NOL4: variants seen among roughly 807,000 people sequenced by gnomAD.
NOL4 encodes the protein cancer/testis antigen 125.
In NOL4, 17 loss-of-function variants were observed where a neutral mutation model predicts 75.9. The ratio of observed to expected loss-of-function variants is 0.22; its 90% CI spans 0.15 to 0.34. The LOEUF is 0.34. Ranked by LOEUF, NOL4 falls within the 10% of genes least tolerant of loss-of-function variation. The pLI is 1.00. For missense variants in NOL4, 614 were observed against 793.5 expected, an observed-to-expected ratio of 0.77 and a Z score of 2.72; for synonymous variants, 292 against 289.9, an observed-to-expected ratio of 1.01 and a Z score of -0.07.
At chr18:34,078,200 T>C (rs550061281) in intron 5 of NOL4, among the ~76,000 whole-genome samples, 3 of 152,284 alleles carry the variant, frequency 2.0e-5, no homozygotes, top group South Asian at 2.1e-4. Flanking sequence ...ATCTTTACCT[T>C]AGAATGAAAT....
chr18:34,151,501 G>A (rs2081635630), intron 1 of NOL4, among the ~76,000 whole-genome samples: 1 of 151,768 alleles, frequency 6.6e-6, no homozygotes, highest in Admixed American at 6.6e-5. Context: ...TCTGGAAGAA[G>A]GCAAAACTAA....
chr18:33,921,927 C>T (rs540290270), intron 9 of NOL4, among the ~76,000 whole-genome samples: 3 of 152,206 alleles, frequency 2.0e-5, no homozygotes, highest in East Asian at 1.9e-4. Flanking sequence ...GAATTTACTC[C>T]ACCAATGGCT....
At chr18:34,165,679 G>C (rs1042250494) in intron 1 of NOL4, among the ~76,000 whole-genome samples, 1 of 152,066 alleles carries the variant, frequency 6.6e-6, no homozygotes, top group Non-Finnish European at 1.5e-5. Flanking sequence ...ACTAGAAAAA[G>C]TTAAGAGGTG....
intron 5 of NOL4, among the ~76,000 whole-genome samples, chr18:34,047,334 A>T (rs1267236346): frequency 6.6e-6 from 1 of 152,096 alleles, no homozygotes; most frequent in Non-Finnish European, 1.5e-5. Context: ...TGTGTAGTAC[A>T]TTACTAGCAG....
chr18:33,998,709 A>T (rs557539375), intron 6 of NOL4, among the ~76,000 whole-genome samples: 1 of 152,270 alleles, frequency 6.6e-6, no homozygotes, highest in Admixed American at 6.5e-5. Context: ...GCACAGGTTC[A>T]GTATGTCCAC....
At chr18:34,068,950 ATTAT>A (rs768027895) in intron 5 of NOL4, among the ~76,000 whole-genome samples, 3 of 152,158 alleles carry the variant, frequency 2.0e-5, no homozygotes, top group Non-Finnish European at 4.4e-5. Flanking sequence ...ATAAAATATT[ATTAT>A]TTAATCATTC....
At chr18:33,990,976 C>T (rs1370805104) in intron 6 of NOL4, among the ~76,000 whole-genome samples, 2 of 151,902 alleles carry the variant, frequency 1.3e-5, no homozygotes, top group East Asian at 3.9e-4. Context: ...AAAACTTACT[C>T]TATTTACAAA....
At chr18:33,890,928 C>G (rs7227190) in intron 9 of NOL4, among the ~76,000 whole-genome samples, 2,532 of 151,896 alleles carry the variant, frequency 0.017, 62 homozygotes, top group African/African-American at 0.057. Context: ...GAGTGGGTGG[C>G]TGGAAAGTGG....
At chr18:34,116,500 C>T (rs899493983) in intron 2 of NOL4, among the ~76,000 whole-genome samples, 1 of 152,244 alleles carries the variant, frequency 6.6e-6, no homozygotes, top group East Asian at 1.9e-4. Flanking sequence ...TATAAGTTAT[C>T]CAAAAATCTG....
chr18:34,069,145 T>C (rs1049816084), intron 5 of NOL4, among the ~76,000 whole-genome samples: 1 of 152,128 alleles, frequency 6.6e-6, no homozygotes, highest in Admixed American at 6.5e-5. Flanking sequence ...GACAACAAAA[T>C]ATGGATATAG....
intron 5 of NOL4, among the ~76,000 whole-genome samples, chr18:34,049,737 T>C (rs1600396846): frequency 6.6e-6 from 1 of 152,118 alleles, no homozygotes; most frequent in Non-Finnish European, 1.5e-5. Flanking sequence ...TCTGTAATTA[T>C]TCTCCTTTGT....
At chr18:34,150,093 A>G (rs1448459153) in intron 1 of NOL4, among the ~76,000 whole-genome samples, 3 of 151,668 alleles carry the variant, frequency 2.0e-5, no homozygotes, top group Non-Finnish European at 4.4e-5. Context: ...TGATAATTAT[A>G]TAATATATCT....
intron 6 of NOL4, among the ~76,000 whole-genome samples, chr18:33,996,672 T>A (rs186278346): frequency 1.6e-4 from 25 of 151,968 alleles, no homozygotes; most frequent in Non-Finnish European, 3.2e-4. Flanking sequence ...TGGTCTTCTG[T>A]TTTTGTATTA....
intron 10 of NOL4, among the ~76,000 whole-genome samples, chr18:33,855,848 ATTAAG>A (rs1301144384): frequency 1.3e-5 from 2 of 150,430 alleles, no homozygotes; most frequent in African/African-American, 4.9e-5. Flanking sequence ...TCTTTTTCAA[ATTAAG>A]TTATCAGTTG....
intron 2 of NOL4, among the ~76,000 whole-genome samples, chr18:34,122,822 A>AT (rs201716964): frequency 1.0e-3 from 157 of 151,002 alleles, no homozygotes; most frequent in Middle Eastern, 3.4e-3. Flanking sequence ...TGGTCATTTT[A>AT]TTTTTTTTTA....
At chr18:34,072,350 A>G (rs2077559973) in intron 5 of NOL4, among the ~76,000 whole-genome samples, 1 of 152,228 alleles carries the variant, frequency 6.6e-6, no homozygotes, top group East Asian at 1.9e-4. Context: ...AAAATGCACC[A>G]GAGATATTCA....
intron 9 of NOL4, among the ~76,000 whole-genome samples, chr18:33,924,910 G>A (rs73414366): frequency 0.015 from 2,315 of 152,152 alleles, 46 homozygotes; most frequent in African/African-American, 0.052. Context: ...CTGAGAAACT[G>A]CCTGGATAAA....
rs75985131 is a variant in NOL4, at chr18:33,927,875, A to T, written c.1542+15190T>A. ...TCTCACCATATGGACCACACGAGAC[A>T]TGTCACACATGACACACCGCTTCCT... On this transcript the variant is annotated intron_variant, in intron 9 of 10. Transcript: ENST00000261592. 5.5e-3 allele frequency among the ~76,000 whole-genome samples: 837 copies of T among 152,254 alleles called. 12 individuals are homozygous for T. The highest frequency in any genetic ancestry group is 0.019 in the African/African-American group (804 of 41,544).
At chr18:34,150,316 G>T (rs1217748273) in intron 1 of NOL4, among the ~76,000 whole-genome samples, 2 of 151,528 alleles carry the variant, frequency 1.3e-5, no homozygotes, top group Non-Finnish European at 3.0e-5. Flanking sequence ...AAAGTCATAG[G>T]ACTAACACTA....
Sources: allele counts gnomAD v4.1 joint callset (sites outside exome capture counted in the v4.1 genomes callset), GRCh38; gene constraint gnomAD v4.1.1; transcripts MANE v1.5; gene names NCBI Gene and HGNC (gene_info 2026-07-23, HGNC 2026-07-21).